SCN10A: variants seen among roughly 807,000 people sequenced by gnomAD.
SCN10A encodes sodium voltage-gated channel alpha subunit 10, also known as sodium channel protein type 10 subunit alpha.
Under a neutral mutation model 170.7 loss-of-function variants are expected in SCN10A, and 162 were observed. The ratio of observed to expected loss-of-function variants is 0.95; its 90% CI spans 0.84 to 1.08. The LOEUF (loss-of-function observed/expected upper bound fraction) is 1.08, where lower values mean the gene tolerates loss of function less well. SCN10A is among the 50% of genes least tolerant of loss of function. SCN10A has a pLI of 0.00. For synonymous variants in SCN10A, 985 were observed against 904.6 expected (o/e 1.09, Z -1.59); for missense variants, 2,527 against 2,436.9 (o/e 1.04, Z -0.78).
At chr3:38,712,489 C>T (rs201170821) in intron 22 of SCN10A, 44 bp from the exon 23 acceptor site, 1 of 1,586,356 alleles carries the variant, frequency 6.3e-7, no homozygotes, top group Non-Finnish European at 8.6e-7. Flanking sequence ...CAATGCCCCA[C>T]CCCCTCTGCT....
intron 5 of SCN10A, among the ~76,000 whole-genome samples, chr3:38,770,379 A>C (rs2063984559): frequency 6.6e-6 from 1 of 152,092 alleles, no homozygotes; most frequent in Non-Finnish European, 1.5e-5. Flanking sequence ...AGGTGGGGGC[A>C]GGGGTAGGTG....
At chr3:38,747,006 C>T (rs764133033) in intron 13 of SCN10A, among the ~76,000 whole-genome samples, 2 of 152,280 alleles carry the variant, frequency 1.3e-5, no homozygotes, top group Non-Finnish European at 2.9e-5. Context: ...AATCCTATTA[C>T]GACTCTGGCA....
At chr3:38,702,670 G>T (rs1479623783) in intron 26 of SCN10A, among the ~76,000 whole-genome samples, 1 of 152,204 alleles carries the variant, frequency 6.6e-6, no homozygotes, top group Non-Finnish European at 1.5e-5. Context: ...GAGCTACTTT[G>T]CTGAGAGTAA....
chr3:38,712,323 C>T lies in SCN10A; in HGVS notation c.3927G>A (p.Arg1309=). ...GVNLFAGKFW[R]CINYTDGEFS... Reference sequence around the variant, plus strand: ...ACTCTCCATCGGTATAGTTGATGCACCTCCAAAACTTCCCTGCGAAGAGGT... The same window carrying T: ...ACTCTCCATCGGTATAGTTGATGCATCTCCAAAACTTCCCTGCGAAGAGGT... The change falls in exon 23 of 28, where the codon AGG becomes AGA. Residue 1309 remains arginine, a synonymous_variant. Coordinates refer to ENST00000449082, the MANE Select transcript of SCN10A (RefSeq NM_006514.4). 1 of 1,614,214 alleles carries T rather than the reference C, an allele frequency of 6.2e-7. No individual in the cohort carries two copies. Among genetic ancestry groups the T allele is most frequent in the Non-Finnish European group, 8.5e-7 (1 of 1,180,030 alleles).
At chr3:38,793,628 A>T in intron 2 of SCN10A, 113 bp downstream of exon 2, 1 of 1,012,166 alleles carries the variant, frequency 9.9e-7, no homozygotes, top group Non-Finnish European at 1.5e-6. Flanking sequence ...TGTTAACGGA[A>T]TCTTTAGCAG....
Position 38,792,021 on chromosome 3 carries a change from C to G in SCN10A, c.389+29G>C, listed in dbSNP as rs778532226. The G allele has an allele frequency of 6.2e-5, 100 of 1,611,278 alleles. No individual in the cohort carries two copies. In the East Asian group the frequency reaches 2.0e-3, roughly 33 times the overall value. On this transcript the variant is annotated intron_variant, in intron 3 of 27. Transcript: ENST00000449082. ...CAGTAGGCAAGGTCTAATTGTAACA[C>G]GTGGAAGAGGCAATCGTGCAAAGGA...
chr3:38,723,613 C>A, intron 18 of SCN10A, 60 bp from the exon 19 acceptor site: 1 of 1,541,338 alleles, frequency 6.5e-7, no homozygotes, highest in Non-Finnish European at 8.8e-7. Context: ...GGGAATTGCA[C>A]ACGGTCACTG....
Position 38,725,306 on chromosome 3 carries a change from C to A in SCN10A, c.3096G>T (p.Gln1032His). 6.3e-7 allele frequency: 1 copy of A among 1,576,984 alleles called. No individual in the cohort carries two copies. The highest frequency in any genetic ancestry group is 8.7e-7 in the Non-Finnish European group (1 of 1,151,648). ...QEVIPKGQQE[Q>H]LQQVERCGDH... ...CCCCACACCTCTCGACTTGCTGCAG[C>A]TGCTCCTGCTAGTGAGAGAGGGTCC... is the stretch of plus-strand genomic sequence containing the variant. Residue 1032 changes from glutamine (Q) to histidine (H), a missense_variant, in exon 18 of 28, where the codon CAG (glutamine) becomes CAT (histidine). By Grantham distance (24) the Gln-to-His change is conservative. Coordinates refer to ENST00000449082, the MANE Select transcript of SCN10A (RefSeq NM_006514.4).
chr3:38,701,525 C>T (rs1040649239), intron 27 of SCN10A, among the ~76,000 whole-genome samples: 9 of 152,292 alleles, frequency 5.9e-5, no homozygotes, highest in South Asian at 4.2e-4. Flanking sequence ...CATCATCTTA[C>T]GGTCTGAGGT....
chr3:38,712,447 T>A lies in SCN10A; in HGVS notation c.3805-2A>T, dbSNP rs1559416170. ...GCCCACCAGGGCATCCACCACCACCTGGTGGGAGATAGAGAAAGACCTGGA... is the reference window on the plus strand; with the variant it reads ...GCCCACCAGGGCATCCACCACCACCAGGTGGGAGATAGAGAAAGACCTGGA... On this transcript the variant is annotated splice_acceptor_variant, in intron 22 of 27. Coordinates refer to ENST00000449082, the MANE Select transcript of SCN10A (RefSeq NM_006514.4). LOFTEE classifies it high-confidence loss of function. The A allele has an allele frequency of 6.2e-7, 1 of 1,612,910 alleles. No individual in the cohort carries two copies. Among genetic ancestry groups the A allele is most frequent in the Non-Finnish European group, 8.5e-7 (1 of 1,179,142 alleles).
At position 38,761,301 on chromosome 3, in the gene SCN10A, A is replaced by G. The variant is rs1375920335; in HGVS notation, c.774T>C (p.Ser258=). ...GTTGCAGCCCCACCAAGGCAAAAACACTTAGGCAGAAGATGGTGAGGATGG... is the reference window on the plus strand; with the variant it reads ...GTTGCAGCCCCACCAAGGCAAAAACGCTTAGGCAGAAGATGGTGAGGATGG... ...DVTILTIFCL[S]VFALVGLQLF... The change falls in exon 7 of 28, where the codon AGT becomes AGC. Residue 258 remains serine (S), a synonymous_variant. Coordinates refer to ENST00000449082, the MANE Select transcript of SCN10A (RefSeq NM_006514.4). 1 of 1,614,056 alleles carries G rather than the reference A, an allele frequency of 6.2e-7. No individual in the cohort carries two copies. The highest frequency in any genetic ancestry group is 1.7e-5 in the Admixed American group (1 of 60,018).
chr3:38,731,553 T>G (rs1384554513), intron 15 of SCN10A, among the ~76,000 whole-genome samples: 1 of 152,146 alleles, frequency 6.6e-6, no homozygotes, highest in Non-Finnish European at 1.5e-5. Flanking sequence ...CTTGAGTTTT[T>G]AGGATAGCAG....
intron 1 of SCN10A, among the ~76,000 whole-genome samples, chr3:38,801,829 G>A (rs535220284): frequency 3.3e-5 from 5 of 152,112 alleles, no homozygotes; most frequent in South Asian, 2.1e-4. Context: ...CATACTTCCC[G>A]TGGTTGCTCT....
At chr3:38,747,345 G>A (rs1192922175) in intron 13 of SCN10A, among the ~76,000 whole-genome samples, 1 of 152,126 alleles carries the variant, frequency 6.6e-6, no homozygotes, top group Non-Finnish European at 1.5e-5. Context: ...TGTCTTCTGG[G>A]TAATGGAGGT....
At chr3:38,699,198 G>T (rs182172558) in intron 27 of SCN10A, among the ~76,000 whole-genome samples, 110 of 126,984 alleles carry the variant, frequency 8.7e-4, no homozygotes, top group African/African-American at 1.2e-3. Flanking sequence ...GCCTTAATTT[G>T]TTTTTTTTTT....
rs924858573 is a variant in SCN10A, at chr3:38,701,970, C to T, written c.4526G>A (p.Gly1509Asp). ...GGCCACAAAGAACTGGTTGATTTTG[C>T]CCAGAATTTTCGTCTTTTCTTCACT... ...DQSEEKTKIL[G>D]KINQFFVAVF... Residue 1509 changes from glycine to aspartate, a missense_variant, in exon 27 of 28, where the codon GGC (glycine) becomes GAC (aspartate). Gly to Asp is a moderately conservative substitution (Grantham distance 94). Coordinates refer to ENST00000449082, the MANE Select transcript of SCN10A (RefSeq NM_006514.4). 1.9e-6 allele frequency: 3 copies of T among 1,614,138 alleles called. No homozygotes were observed. Among genetic ancestry groups the T allele is most frequent in the Non-Finnish European group, 2.5e-6 (3 of 1,180,010 alleles).
intron 5 of SCN10A, among the ~76,000 whole-genome samples, chr3:38,764,028 C>T (rs1056778660): frequency 6.6e-5 from 10 of 152,174 alleles, no homozygotes; most frequent in Non-Finnish European, 1.2e-4. Flanking sequence ...ACCCCCGAAG[C>T]GGTACTCTGT....
chr3:38,806,181 A>C (rs1258641601), intron 1 of SCN10A, among the ~76,000 whole-genome samples: 1 of 152,150 alleles, frequency 6.6e-6, no homozygotes, highest in Non-Finnish European at 1.5e-5. Context: ...TTCAAGAAAG[A>C]AAGCTGGAGT....
rs182435282 is a variant in SCN10A at position 38,703,268 on chromosome 3, G to A, written c.4387-1159C>T. 2.4e-3 allele frequency among the ~76,000 whole-genome samples: 362 copies of A among 152,240 alleles called. 2 individuals are homozygous for A. Among genetic ancestry groups the A allele is most frequent in the Non-Finnish European group, 4.2e-3 (289 of 68,016 alleles). ...TCTTGGCCATATTTGCCCACTCTTGGCTATTATCCTAGGCAACATTAATGT... is the reference window on the plus strand; with the variant it reads ...TCTTGGCCATATTTGCCCACTCTTGACTATTATCCTAGGCAACATTAATGT... On this transcript the variant is annotated intron_variant, in intron 26 of 27. Transcript: ENST00000449082.
Sources: gnomAD v4.1 joint callset for allele counts (sites outside exome capture counted in the v4.1 genomes callset) on GRCh38, gnomAD v4.1.1 for gene constraint, MANE v1.5 for transcripts, NCBI Gene and HGNC (gene_info 2026-07-23, HGNC 2026-07-21) for gene names.